DIP2C: variants seen among roughly 807,000 people sequenced by gnomAD.
The protein encoded by DIP2C is DIP2 acetate--CoA ligase C (putative), also known as disco-interacting protein 2 homolog C.
DIP2C carries 33 observed loss-of-function variants against 192.4 expected under a neutral mutation model. The observed-to-expected ratio is 0.17, with a 90% CI of 0.13 to 0.23. The LOEUF is 0.23. Ranked by LOEUF, DIP2C falls within the 10% of genes least tolerant of loss-of-function variation. The pLI is 1.00. For missense variants in DIP2C, 1,537 were observed against 2,110.1 expected (o/e 0.73, Z 5.32); for synonymous variants, 979 against 864.1 (o/e 1.13, Z -2.33).
At chr10:613,099 A>G (rs1447390815) in intron 1 of DIP2C, among the ~76,000 whole-genome samples, 1 of 152,140 alleles carries the variant, frequency 6.6e-6, no homozygotes, top group African/African-American at 2.4e-5. Context: ...TTCTAAGGAG[A>G]GCTACAGGCT....
At chr10:311,921 T>C (rs755483119) in intron 31 of DIP2C, among the ~76,000 whole-genome samples, 1 of 152,134 alleles carries the variant, frequency 6.6e-6, no homozygotes, top group African/African-American at 2.4e-5. Context: ...GTGCTCTTTC[T>C]TTCTGAGGGA....
At chr10:627,626 T>G (rs952213395) in intron 1 of DIP2C, among the ~76,000 whole-genome samples, 1 of 152,140 alleles carries the variant, frequency 6.6e-6, no homozygotes, top group African/African-American at 2.4e-5. Context: ...AAGAATAACA[T>G]GTTTGCCAGG....
intron 1 of DIP2C, among the ~76,000 whole-genome samples, chr10:571,646 A>G (rs1564211554): frequency 6.6e-6 from 1 of 152,248 alleles, no homozygotes; most frequent in East Asian, 1.9e-4. Context: ...TATTGCAATG[A>G]TTATTCTTAA....
At chr10:513,904 T>C (rs972716212) in intron 1 of DIP2C, among the ~76,000 whole-genome samples, 3 of 152,218 alleles carry the variant, frequency 2.0e-5, no homozygotes, top group Non-Finnish European at 4.4e-5. Flanking sequence ...ATCCAGCCTG[T>C]CCTGGAAGCC....
intron 1 of DIP2C, among the ~76,000 whole-genome samples, chr10:629,358 G>A (rs1854379454): frequency 6.6e-6 from 1 of 152,122 alleles, no homozygotes; most frequent in Admixed American, 6.5e-5. Flanking sequence ...CCTCACCCGT[G>A]GTCCTGAGGC....
chr10:539,726 G>A (rs555845881), intron 1 of DIP2C, among the ~76,000 whole-genome samples: 3 of 152,302 alleles, frequency 2.0e-5, no homozygotes, highest in African/African-American at 7.2e-5. Context: ...ATTCCAGTAA[G>A]TTTATTGAAC....
chr10:327,168 C>A lies in DIP2C; in HGVS notation c.3762G>T (p.Gly1254=). Residue 1254 remains glycine (G), a synonymous_variant, in exon 31 of 37, where the codon GGG becomes GGT. Coordinates refer to ENST00000280886, the MANE Select transcript of DIP2C (RefSeq NM_014974.3). ...AGGTCCTCACTCGGGACAAGTCCAG[C>A]CCTCGCGCCTGGAGATGATGACAGA... ...GSQTESLKAR[G]LDLSRVRTCV... The A allele has an allele frequency of 6.2e-7, 1 of 1,613,584 alleles. No individual in the cohort carries two copies. The highest frequency in any genetic ancestry group is 8.5e-7 in the Non-Finnish European group (1 of 1,179,908).
At chr10:603,692 T>C (rs1852258968) in intron 1 of DIP2C, among the ~76,000 whole-genome samples, 1 of 152,216 alleles carries the variant, frequency 6.6e-6, no homozygotes, top group Non-Finnish European at 1.5e-5. Context: ...CAGGGTTACT[T>C]TTCAAAGGTC....
At chr10:378,738 AAGACACATGTGAACACATGCCT>A (rs1015335542) in intron 17 of DIP2C, among the ~76,000 whole-genome samples, 8 of 146,528 alleles carry the variant, frequency 5.5e-5, no homozygotes, top group African/African-American at 2.2e-4. Flanking sequence ...GACATGCATA[AAGACACATGTGAACACATGCCT>A]AGACACGTGA....
At chr10:288,972 G>A (rs976998804) in intron 32 of DIP2C, among the ~76,000 whole-genome samples, 1 of 152,210 alleles carries the variant, frequency 6.6e-6, no homozygotes, top group Non-Finnish European at 1.5e-5. Flanking sequence ...CTTAAGAACT[G>A]CCAAGGACAT....
chr10:365,513 A>T (rs1361244946), intron 19 of DIP2C, among the ~76,000 whole-genome samples: 2 of 152,260 alleles, frequency 1.3e-5, no homozygotes, highest in African/African-American at 4.8e-5. Flanking sequence ...CTCCAGCCTG[A>T]GTGACAGAGC....
Position 457,331 on chromosome 10 carries a change from C to G in DIP2C, c.268+15108G>C, listed in dbSNP as rs551954135. ...CTTCAGTTTCCAAGATGTCTTCTGA[C>G]TTAATATAAAGATTTTAGTCTATAA... On this transcript the variant is annotated intron_variant, in intron 3 of 36. Transcript: ENST00000280886. Among the ~76,000 whole-genome samples the G allele has an allele frequency of 1.3e-4, 20 of 152,192 alleles. 1 individual carries two copies. Among genetic ancestry groups the G allele is most frequent in the African/African-American group, 4.6e-4 (19 of 41,508 alleles).
intron 23 of DIP2C, among the ~76,000 whole-genome samples, chr10:357,230 G>A (rs1023592277): frequency 8.5e-5 from 13 of 152,210 alleles, no homozygotes; most frequent in Admixed American, 1.3e-4. Flanking sequence ...GGACGCACAC[G>A]GCACAATGTG....
At chr10:318,524 C>G (rs547272309) in intron 31 of DIP2C, among the ~76,000 whole-genome samples, 1 of 152,300 alleles carries the variant, frequency 6.6e-6, no homozygotes, top group Admixed American at 6.5e-5. Flanking sequence ...ACAAGCGGTT[C>G]CCATAGGCAG....
rs1855643048 is a variant in DIP2C, at chr10:648,638, G to A, written c.85+40856C>T. On this transcript the variant is annotated intron_variant, in intron 1 of 36. Transcript: ENST00000280886. The stretch of plus-strand genomic sequence containing the variant: ...GTGGGTGAGAACAGAGGGAAACTGA[G>A]TCCACGTCCACATTGGATGGTGGGA... Among the ~76,000 whole-genome samples the A allele has an allele frequency of 2.0e-5, 3 of 151,560 alleles. No individual in the cohort carries two copies. The South Asian group carries it at 6.2e-4, about 32-fold the overall frequency.
At chr10:524,680 C>CGAG (rs1468538178) in intron 1 of DIP2C, among the ~76,000 whole-genome samples, 4 of 152,282 alleles carry the variant, frequency 2.6e-5, no homozygotes, top group African/African-American at 9.6e-5. Flanking sequence ...ACAAAGAATG[C>CGAG]ATTGCACTCT....
chr10:277,441 C>T lies in DIP2C; in HGVS notation c.4555G>A (p.Val1519Met), dbSNP rs755001458. 6.8e-6 allele frequency: 11 copies of T among 1,614,054 alleles called. No individual in the cohort carries two copies. Among genetic ancestry groups the T allele is most frequent in the Non-Finnish European group, 9.3e-6 (11 of 1,180,054 alleles). ...EHYLIVGVVV[V>M]VDIGVIPINS... ...ATGGGGATGACGCCGATGTCCACCA[C>T]GACCACCACTCCGACGATCAGGTAG... Residue 1519 changes from valine (V) to methionine (M), a missense_variant, in exon 37 of 37, where the codon GTG becomes ATG. Val to Met is a conservative substitution (Grantham distance 21, BLOSUM62 1). This residue lies in a region of DIP2C where 341 missense variants were observed against 551.7 expected (regional missense o/e 0.62). Coordinates refer to ENST00000280886, the MANE Select transcript of DIP2C (RefSeq NM_014974.3).
intron 17 of DIP2C, among the ~76,000 whole-genome samples, chr10:371,671 GA>G (rs1381491529): frequency 2.4e-3 from 247 of 102,742 alleles, no homozygotes; most frequent in African/African-American, 0.01. Context: ...GGCCTGGGCT[GA>G]GCTGAGCAGC....
At chr10:661,946 C>A in intron 1 of DIP2C, 1 of 690,148 alleles carries the variant, frequency 1.4e-6, no homozygotes, top group Admixed American at 2.1e-5. Flanking sequence ...ACTCCCTCTT[C>A]CCCTCCTGAC....
Sources: allele counts gnomAD v4.1 joint callset (sites outside exome capture counted in the v4.1 genomes callset), GRCh38; gene constraint gnomAD v4.1.1; regional missense constraint gnomAD v4.1.1; transcripts MANE v1.5; gene names NCBI Gene and HGNC (gene_info 2026-07-23, HGNC 2026-07-21).